KCNJ5: variants seen among roughly 807,000 people sequenced by gnomAD.
The protein encoded by KCNJ5 is G protein-activated inward rectifier potassium channel 4.
In KCNJ5, 12 loss-of-function variants were observed where a neutral mutation model predicts 20.2. The ratio of observed to expected loss-of-function variants is 0.59; its 90% CI spans 0.38 to 0.96. KCNJ5 has a LOEUF of 0.96. Ranked by LOEUF, KCNJ5 falls within the 40% of genes least tolerant of loss-of-function variation. The pLI, the probability that KCNJ5 is intolerant of heterozygous loss-of-function variation, is 0.00. For synonymous variants in KCNJ5, 210 were observed against 213.9 expected, an observed-to-expected ratio of 0.98 and a Z score of 0.16; for missense variants, 449 against 557.6, an observed-to-expected ratio of 0.81 and a Z score of 1.96.
Position 128,920,636 on chromosome 11 carries a change from G to A in KCNJ5, c.*3905G>A, listed in dbSNP as rs192303170. 2.0e-4 allele frequency: 31 copies of A among 152,380 alleles called. No individual in the cohort carries two copies. The highest frequency in any genetic ancestry group is 7.2e-4 in the African/African-American group (30 of 41,578). The allele number at this position is 152,380 out of a possible 1,614,324, so 9.4% of individuals were successfully genotyped here. A position where few individuals can be genotyped will look rare whatever the true frequency, so the allele number is the denominator to read the frequency against. On this transcript the variant is annotated 3_prime_UTR_variant, in exon 3 of 3. Transcript: ENST00000529694. ...TCAGGCACTTGATTCTCAAAACACT[G>A]CCGAGAAGCTCTTACCAACGTGACA...
intron 2 of KCNJ5, among the ~76,000 whole-genome samples, chr11:128,912,444 T>A (rs970160682): frequency 1.3e-5 from 2 of 152,192 alleles, no homozygotes; most frequent in Non-Finnish European, 2.9e-5. Context: ...ACAATAAACA[T>A]CTATCATCTG....
At chr11:128,915,001 G>C (rs1348655850) in intron 2 of KCNJ5, among the ~76,000 whole-genome samples, 3 of 152,262 alleles carry the variant, frequency 2.0e-5, no homozygotes, top group Non-Finnish European at 4.4e-5. Flanking sequence ...TGAGAGCAGA[G>C]AGCAGGCTGT....
intron 1 of KCNJ5, among the ~76,000 whole-genome samples, 182 bp downstream of exon 1, chr11:128,891,903 C>T (rs1399303209): frequency 1.3e-5 from 2 of 152,218 alleles, no homozygotes; most frequent in Admixed American, 1.3e-4. Context: ...TTGGAGATCT[C>T]CGTGGCTGCA....
At position 128,904,518 on chromosome 11, in the gene KCNJ5, G is replaced by A. The variant is rs138330651; in HGVS notation, c.-10-6746G>A. On this transcript the variant is annotated intron_variant, in intron 1 of 2. Transcript: ENST00000529694. ...CTGATGGCAGCGTGCGTCCAGGGCG[G>A]AGAGGTCGTGCTACTCAGGTGTGCA... 9.3e-6 allele frequency: 14 copies of A among 1,509,986 alleles called. No homozygotes were observed. In the African/African-American group the frequency reaches 1.6e-4, roughly 18 times the overall value. The allele number at this position is 1,509,986 out of a possible 1,614,324, so 93.5% of individuals were successfully genotyped here. A position where few individuals can be genotyped will look rare whatever the true frequency, so the allele number is the denominator to read the frequency against.
intron 1 of KCNJ5, among the ~76,000 whole-genome samples, chr11:128,892,437 G>A (rs1035268006): frequency 2.6e-5 from 4 of 152,304 alleles, no homozygotes; most frequent in African/African-American, 9.6e-5. Flanking sequence ...CCCAGGGGCT[G>A]TGGAGGGCCT....
At chr11:128,895,560 G>A (rs1181748321) in intron 1 of KCNJ5, among the ~76,000 whole-genome samples, 4 of 152,212 alleles carry the variant, frequency 2.6e-5, no homozygotes, top group East Asian at 1.9e-4. Flanking sequence ...AGGCTTCCCC[G>A]GCCAAGTCAG....
intron 1 of KCNJ5, chr11:128,902,428 G>T: frequency 8.1e-7 from 1 of 1,232,226 alleles, no homozygotes; most frequent in Non-Finnish European, 1.2e-6. Context: ...CAGCAGGTTT[G>T]CACAGGGTGC....
At chr11:128,896,681 A>G (rs1208851793) in intron 1 of KCNJ5, among the ~76,000 whole-genome samples, 1 of 152,024 alleles carries the variant, frequency 6.6e-6, no homozygotes, top group Non-Finnish European at 1.5e-5. Flanking sequence ...GGAATCGTCC[A>G]TAGTGGGAAG....
At chr11:128,903,857 G>T (rs1043816625) in intron 1 of KCNJ5, among the ~76,000 whole-genome samples, 1 of 152,072 alleles carries the variant, frequency 6.6e-6, no homozygotes. Flanking sequence ...TGTGCACAGC[G>T]GACCACATGG....
chr11:128,901,789 T>G (rs150693651), intron 1 of KCNJ5: 1 of 152,422 alleles, frequency 6.6e-6, no homozygotes, highest in Non-Finnish European at 1.5e-5. Context: ...TGAGCAACGC[T>G]GATGCAGCGG....
In KCNJ5 at chr11:128,919,646, G is replaced by C. The variant is rs1469361444; in HGVS notation, c.*2915G>C. 1 of 152,198 alleles carries C rather than the reference G, an allele frequency of 6.6e-6. No individual in the cohort carries two copies. The highest frequency in any genetic ancestry group is 1.5e-5 in the Non-Finnish European group (1 of 68,038). The allele number at this position is 152,198 out of a possible 1,614,324, so 9.4% of individuals were successfully genotyped here. A position where few individuals can be genotyped will look rare whatever the true frequency, so the allele number is the denominator to read the frequency against. On this transcript the variant is annotated 3_prime_UTR_variant, in exon 3 of 3. Transcript: ENST00000529694. Reference sequence around the variant, plus strand: ...GTCTGATGATGGACAGAGTTTCAAGGGGTCACTTTCAAAACATTTAATTAA... The same window carrying C: ...GTCTGATGATGGACAGAGTTTCAAGCGGTCACTTTCAAAACATTTAATTAA...
chr11:128,916,601 T>C lies in KCNJ5; in HGVS notation c.1130T>C (p.Leu377Pro). Reference sequence around the variant, plus strand: ...GAAATGAAGAGGGAAGGCCGGCTCCTCCAGTACCTCCCCAGCCCCCCACTG... The same window carrying C: ...GAAATGAAGAGGGAAGGCCGGCTCCCCCAGTACCTCCCCAGCCCCCCACTG... ...LAEMKREGRL[L>P]QYLPSPPLLG... Residue 377 changes from leucine (L) to proline (P), a missense_variant, in exon 3 of 3, where the codon CTC becomes CCC. By Grantham distance (98) the Leu-to-Pro change is moderately conservative. Coordinates refer to ENST00000529694, the MANE Select transcript of KCNJ5 (RefSeq NM_000890.5). 1 of 1,613,998 alleles carries C rather than the reference T, an allele frequency of 6.2e-7. No homozygotes were observed. Among genetic ancestry groups the C allele is most frequent in the Non-Finnish European group, 8.5e-7 (1 of 1,179,940 alleles).
At chr11:128,902,391 T>G (rs1944299996) in intron 1 of KCNJ5, 1 of 825,174 alleles carries the variant, frequency 1.2e-6, no homozygotes, top group Non-Finnish European at 1.9e-6. Flanking sequence ...TGGAGGACTA[T>G]CGCACTGCCC....
Position 128,911,629 on chromosome 11 carries a change from A to G in KCNJ5, c.356A>G (p.Asp119Gly), listed in dbSNP as rs1482936347. The G allele has an allele frequency of 3.1e-6, 5 of 1,614,186 alleles. No individual in the cohort carries two copies. The South Asian group carries it at 5.5e-5, about 18-fold the overall frequency. ...ATTGCTTATATCCGGGGTGACCTGG[A>G]CCATGTTGGCGACCAAGAGTGGATT... ...WLIAYIRGDL[D>G]HVGDQEWIPC... is the part of the protein sequence containing the mutation. The change falls in exon 2 of 3, where the codon GAC becomes GGC. Residue 119 changes from aspartate to glycine, a missense_variant. Physicochemically the swap from Asp to Gly is moderately conservative, Grantham distance 94. Around this residue, in one of 5 missense-constraint regions of KCNJ5, gnomAD observed 203 missense variants for 258.0 expected, o/e 0.79. Coordinates refer to ENST00000529694, the MANE Select transcript of KCNJ5 (RefSeq NM_000890.5). This position sits in a 1 kb window ranked among gnomAD's most constrained non-coding sequence, Gnocchi z 6.3.
intron 2 of KCNJ5, among the ~76,000 whole-genome samples, chr11:128,914,954 C>T (rs1565553764): frequency 1.3e-5 from 2 of 152,232 alleles, no homozygotes; most frequent in Admixed American, 6.5e-5. Context: ...ACAAGGGTAA[C>T]GACTGAAGGG....
Position 128,917,183 on chromosome 11 carries a change from C to A in KCNJ5, c.*452C>A, listed in dbSNP as rs1368066345. 6.1e-6 allele frequency: 1 copy of A among 163,174 alleles called. No homozygotes were observed. Among genetic ancestry groups the A allele is most frequent in the African/African-American group, 2.4e-5 (1 of 41,590 alleles). 10.1% of individuals were successfully genotyped at this position (163,174 alleles called of 1,614,324 possible). On this transcript the variant is annotated 3_prime_UTR_variant, in exon 3 of 3. Transcript: ENST00000529694. ...CCTGATGAGAGCTCAAACCTCTAGT[C>A]TGGGATGAGCTCACAGAGCCCTCAT... is the stretch of plus-strand genomic sequence containing the variant.
chr11:128,907,366 C>T (rs372401114), intron 1 of KCNJ5, among the ~76,000 whole-genome samples: 86 of 152,290 alleles, frequency 5.6e-4, no homozygotes, highest in Middle Eastern at 3.4e-3. Flanking sequence ...TTCTAGACCA[C>T]GCCATGACAC....
In KCNJ5 at chr11:128,904,388, C is replaced by T. The variant is rs779218732; in HGVS notation, c.-10-6876C>T. The T allele has an allele frequency of 5.0e-6, 8 of 1,611,990 alleles. No homozygotes were observed. In the East Asian group the frequency reaches 1.8e-4, roughly 36 times the overall value. On this transcript the variant is annotated intron_variant, in intron 1 of 2. Transcript: ENST00000529694. ...TGTACTCCCCACCAGACCAGGAACT[C>T]CTTGCGGACAGAGAACGCATCAAGG...
chr11:128,895,253 A>G (rs930904109), intron 1 of KCNJ5, among the ~76,000 whole-genome samples: 1 of 152,172 alleles, frequency 6.6e-6, no homozygotes, highest in African/African-American at 2.4e-5. Flanking sequence ...GGGAGGTCCA[A>G]TGCCATCATC....
Sources: gnomAD v4.1 joint callset for allele counts (sites outside exome capture counted in the v4.1 genomes callset) on GRCh38, gnomAD v4.1.1 for gene constraint, gnomAD v4.1.1 regional missense constraint, Gnocchi (gnomAD v3.1) non-coding constraint, MANE v1.5 for transcripts, NCBI Gene and HGNC (gene_info 2026-07-23, HGNC 2026-07-21) for gene names.